Variants in PIF1 observed in about 807,000 individuals in gnomAD.
PIF1 encodes ATP-dependent DNA helicase PIF1.
In PIF1, 67 loss-of-function variants were observed where a neutral mutation model predicts 62.3. That is an observed-to-expected ratio of 1.08 (90% CI 0.88 to 1.32). The LOEUF (loss-of-function observed/expected upper bound fraction) is 1.32, where lower values mean the gene tolerates loss of function less well. Among genes scored for constraint, PIF1 ranks in the 40% most tolerant of loss-of-function variants. The pLI, the probability that PIF1 is intolerant of heterozygous loss-of-function variation, is 0.00. For missense variants in PIF1, 886 were observed against 866.1 expected (o/e 1.02, Z -0.29); for synonymous variants, 364 against 379.5 (o/e 0.96, Z 0.47).
chr15:64,822,497 G>A lies in PIF1; in HGVS notation c.672C>T (p.Ile224=), dbSNP rs764077234. 6.2e-7 allele frequency: 1 copy of A among 1,613,746 alleles called. No individual in the cohort carries two copies. The highest frequency in any genetic ancestry group is 8.5e-7 in the Non-Finnish European group (1 of 1,179,978). ...VLRAVLKGQS[I]FFTGSAGTGK... is the part of the protein sequence containing the mutation. ...CACTACCTGCACTCCCAGTGAAGAA[G>A]ATGCTCTGGCCTTTCAGGACGGCCC... Residue 224 remains isoleucine, a synonymous_variant, in exon 3 of 13, where the codon ATC becomes ATT. Transcript: ENST00000559239.
intron 2 of PIF1, chr15:64,823,172 A>G (rs1343535635): frequency 6.6e-6 from 1 of 152,322 alleles, no homozygotes; most frequent in East Asian, 2.0e-4. Flanking sequence ...AAGCTCCTCT[A>G]CTCTGGGCCT....
Position 64,819,867 on chromosome 15 carries a change from C to G in PIF1, c.1313G>C (p.Arg438Thr). 1 of 1,613,858 alleles carries G rather than the reference C, an allele frequency of 6.2e-7. No individual in the cohort carries two copies. Among genetic ancestry groups the G allele is most frequent in the Non-Finnish European group, 8.5e-7 (1 of 1,180,042 alleles). Reference sequence around the variant, plus strand: ...CTCACCTGGCAGCTCCTGAAGCCGCCTCTCGTTGGTGAGGGCCACATCATC... The same window carrying G: ...CTCACCTGGCAGCTCCTGAAGCCGCGTCTCGTTGGTGAGGGCCACATCATC... ...HQDDVALTNE[R>T]RLQELPGKVH... Residue 438 changes from arginine to threonine, a missense_variant, in exon 8 of 13, where the codon AGG becomes ACG. Physicochemically the swap from Arg to Thr is moderately conservative, Grantham distance 71. Coordinates refer to ENST00000559239, the MANE Select transcript of PIF1 (RefSeq NM_001286496.2).
intron 4 of PIF1, chr15:64,822,036 G>A (rs1427109904): frequency 3.7e-5 from 20 of 534,714 alleles, no homozygotes; most frequent in South Asian, 9.8e-5. Context: ...CACTGCGCCC[G>A]GCCGCTAATT....
rs368078387 is a variant in PIF1, at chr15:64,818,440, G to A, written c.1441-96C>T. The A allele has an allele frequency of 2.6e-4, 304 of 1,161,808 alleles. 2 individuals are homozygous for A. In the South Asian group the frequency reaches 4.0e-3, roughly 15 times the overall value. 72.0% of individuals were successfully genotyped at this position (1,161,808 alleles called of 1,614,324 possible). A position where few individuals can be genotyped will look rare whatever the true frequency, so the allele number is the denominator to read the frequency against. On this transcript the variant is annotated intron_variant, in intron 9 of 12. Coordinates refer to ENST00000559239, the MANE Select transcript of PIF1 (RefSeq NM_001286496.2). ...TCTCAGAGGCTGAGGGCAGGGAGCTGTCATGGGGACACTGAATCCCAATCC... is the reference window on the plus strand; with the variant it reads ...TCTCAGAGGCTGAGGGCAGGGAGCTATCATGGGGACACTGAATCCCAATCC...
At position 64,822,710 on chromosome 15, in the gene PIF1, T is replaced by C; in HGVS notation, c.559-100A>G. On this transcript the variant is annotated intron_variant, in intron 2 of 12. Coordinates refer to ENST00000559239, the MANE Select transcript of PIF1 (RefSeq NM_001286496.2). ...CAATGCTGGGCCTGGTAACCCTTTGTCCTCTACTGCCTTCATTCCATGGAG... is the reference window on the plus strand; with the variant it reads ...CAATGCTGGGCCTGGTAACCCTTTGCCCTCTACTGCCTTCATTCCATGGAG... 4 of 1,520,856 alleles carry C rather than the reference T, an allele frequency of 2.6e-6. No homozygotes were observed. The South Asian group carries it at 3.6e-5, about 14-fold the overall frequency. The allele number at this position is 1,520,856 out of a possible 1,614,324, so 94.2% of individuals were successfully genotyped here. A position where few individuals can be genotyped will look rare whatever the true frequency, so the allele number is the denominator to read the frequency against.
At chr15:64,823,669 G>T (rs1465994887) in intron 2 of PIF1, 109 bp downstream of exon 2, 3 of 738,592 alleles carry the variant, frequency 4.1e-6, no homozygotes, top group African/African-American at 3.7e-5. Context: ...TGTCAGATGG[G>T]TATCAAATAC....
At position 64,818,061 on chromosome 15, in the gene PIF1, ACT is replaced by A; in HGVS notation, c.1557_1558del (p.Val520HisfsTer2). The A allele has an allele frequency of 6.2e-7, 1 of 1,613,750 alleles. No individual in the cohort carries two copies. The highest frequency in any genetic ancestry group is 8.5e-7 in the Non-Finnish European group (1 of 1,179,906). ...GCGGTCAGCGTGGATGACCTCAGTG[ACT>A]CCACACAGGAACCGCACCTGGGGTA... On this transcript the variant is annotated frameshift_variant, in exon 11 of 13. Transcript: ENST00000559239. LOFTEE classifies it high-confidence loss of function.
At position 64,823,827 on chromosome 15, in the gene PIF1, G is replaced by T. The variant is rs540565125; in HGVS notation, c.509C>A (p.Thr170Lys). 5 of 1,366,398 alleles carry T rather than the reference G, an allele frequency of 3.7e-6. No individual in the cohort carries two copies. In the South Asian group the frequency reaches 1.0e-4, roughly 28 times the overall value. 84.6% of individuals were successfully genotyped at this position (1,366,398 alleles called of 1,614,324 possible). A position where few individuals can be genotyped will look rare whatever the true frequency, so the allele number is the denominator to read the frequency against. The change falls in exon 2 of 13, where the codon ACG becomes AAG. Residue 170 changes from threonine (T) to lysine (K), a missense_variant. Transcript: ENST00000559239. ...LRAATRVPDT[T>K]LVKRPVEPQA... ...GGGCTCCACAGGCCGCTTCACCAGCGTAGTGTCCGGAACCCGGGTGGCCGC... is the reference window on the plus strand; with the variant it reads ...GGGCTCCACAGGCCGCTTCACCAGCTTAGTGTCCGGAACCCGGGTGGCCGC...
chr15:64,822,518 G>A lies in PIF1; in HGVS notation c.651C>T (p.Ala217=), dbSNP rs371480665. Residue 217 remains alanine (A), a synonymous_variant, in exon 3 of 13, where the codon GCC becomes GCT. Coordinates refer to ENST00000559239, the MANE Select transcript of PIF1 (RefSeq NM_001286496.2). The part of the protein sequence containing the change: ...LSEEQAAVLR[A]VLKGQSIFFT... ...AGAAGATGCTCTGGCCTTTCAGGAC[G>A]GCCCTCAGCACAGCAGCCTGTTCCT... 2.6e-5 allele frequency: 42 copies of A among 1,613,644 alleles called. No individual in the cohort carries two copies. In the East Asian group the frequency reaches 4.7e-4, roughly 18 times the overall value.
chr15:64,824,906 T>C (rs62017275), intron 1 of PIF1, among the ~76,000 whole-genome samples: 141,937 of 148,530 alleles, frequency 0.96, 67,919 homozygotes, highest in East Asian at 0.99. Flanking sequence ...TATATATATA[T>C]ACACACACGC....
intron 8 of PIF1, 40 bp from the exon 9 acceptor site, chr15:64,819,263 G>A (rs766443775): frequency 3.0e-6 from 4 of 1,341,050 alleles, no homozygotes; most frequent in Non-Finnish European, 4.2e-6. Context: ...ACAAATCACT[G>A]ACTTGTGACT....
intron 1 of PIF1, 108 bp from the exon 2 acceptor site, chr15:64,824,462 G>C: frequency 1.4e-6 from 1 of 696,410 alleles, no homozygotes; most frequent in Non-Finnish European, 2.0e-6. Flanking sequence ...CAGGGTCAAG[G>C]CTACACAAGA....
Position 64,818,341 on chromosome 15 carries a change from T to A in PIF1, c.1444A>T (p.Met482Leu), listed in dbSNP as rs761679990. The change falls in exon 10 of 13, where the codon ATG becomes TTG. Residue 482 changes from methionine to leucine, a missense_variant. By Grantham distance (15) the Met-to-Leu change is conservative. Coordinates refer to ENST00000559239, the MANE Select transcript of PIF1 (RefSeq NM_001286496.2). ...GACACCGATAAGTTTTTCACCAGCATCACCTGCAAGGGAGAGAGAGGAATG... is the reference window on the plus strand; with the variant it reads ...GACACCGATAAGTTTTTCACCAGCAACACCTGCAAGGGAGAGAGAGGAATG... Reference protein sequence around the residue: ...LLQLKLGAQVMLVKNLSVSRG... With the variant: ...LLQLKLGAQVLLVKNLSVSRG... 7 of 1,613,796 alleles carry A rather than the reference T, an allele frequency of 4.3e-6. No homozygotes were observed. The highest frequency in any genetic ancestry group is 1.7e-5 in the Admixed American group (1 of 59,982).
At chr15:64,826,301 G>T (rs1000086763), upstream of PIF1, among the ~76,000 whole-genome samples, 9 of 152,196 alleles carry the variant, frequency 5.9e-5, no homozygotes, top group African/African-American at 9.6e-5. Flanking sequence ...GATGCTGAAA[G>T]AATTTACTTT....
At position 64,824,149 on chromosome 15, in the gene PIF1, C is replaced by T. The variant is rs1246734974; in HGVS notation, c.187G>A (p.Ala63Thr). 3 of 1,294,664 alleles carry T rather than the reference C, an allele frequency of 2.3e-6. No homozygotes were observed. Among genetic ancestry groups the T allele is most frequent in the African/African-American group, 3.1e-5 (2 of 64,676 alleles). 80.2% of individuals were successfully genotyped at this position (1,294,664 alleles called of 1,614,324 possible). The change falls in exon 2 of 13, where the codon GCG becomes ACG. Residue 63 changes from alanine (A) to threonine (T), a missense_variant. Ala to Thr is a moderately conservative substitution (Grantham distance 58). Coordinates refer to ENST00000559239, the MANE Select transcript of PIF1 (RefSeq NM_001286496.2). ...LMLRLQAPGP[A>T]GRPRCFPLRA... ...AGAGGAAAGCAGCGCGGCCGCCCCG[C>T]GGGCCCTGGCGCTTGCAGCCGCAGC...
chr15:64,821,563 CTCTTTTTTTT>C, intron 4 of PIF1, 43 bp from the exon 5 acceptor site: 1 of 1,333,200 alleles, frequency 7.5e-7, no homozygotes, highest in Non-Finnish European at 9.8e-7. Flanking sequence ...CCCAAAGCCT[CTCTTTTTTTT>C]TTTTTTTTTT....
Position 64,818,037 on chromosome 15 carries a change from C to A in PIF1, c.1583G>T (p.Arg528Leu), listed in dbSNP as rs748629250. The A allele has an allele frequency of 6.2e-7, 1 of 1,613,754 alleles. No individual in the cohort carries two copies. ...CGVTEVIHADRWTVQATGGQL... is the reference protein window; with the variant it reads ...CGVTEVIHADLWTVQATGGQL... Reference sequence around the variant, plus strand: ...GCCCCCGGTGGCCTGCACCGTCCAGCGGTCAGCGTGGATGACCTCAGTGAC... The same window carrying A: ...GCCCCCGGTGGCCTGCACCGTCCAGAGGTCAGCGTGGATGACCTCAGTGAC... Residue 528 changes from arginine to leucine, a missense_variant, in exon 11 of 13, where the codon CGC becomes CTC. Physicochemically the swap from Arg to Leu is moderately radical, Grantham distance 102. Coordinates refer to ENST00000559239, the MANE Select transcript of PIF1 (RefSeq NM_001286496.2).
intron 8 of PIF1, 120 bp downstream of exon 8, chr15:64,819,727 G>A: frequency 1.5e-6 from 2 of 1,344,640 alleles, no homozygotes; most frequent in Non-Finnish European, 2.0e-6. Context: ...TTGCAAATAT[G>A]AGGGCCTTTA....
At chr15:64,826,628 A>ATT (rs1438788355), upstream of PIF1, among the ~76,000 whole-genome samples, 2 of 11,790 alleles carry the variant, frequency 1.7e-4, no homozygotes, top group African/African-American at 3.8e-4. Context: ...GCTAATTTAT[A>ATT]TATATATATA....
Sources: allele counts gnomAD v4.1 joint callset (sites outside exome capture counted in the v4.1 genomes callset), GRCh38; gene constraint gnomAD v4.1.1; transcripts MANE v1.5; gene names NCBI Gene and HGNC (gene_info 2026-07-23, HGNC 2026-07-21).